ZNF525: variants seen among roughly 807,000 people sequenced by gnomAD.
ZNF525 encodes zinc finger protein 525.
ZNF525 carries 33 observed loss-of-function variants against 37.6 expected under a neutral mutation model. The ratio of observed to expected loss-of-function variants is 0.88; its 90% CI spans 0.67 to 1.17. ZNF525 has a LOEUF of 1.17. Among genes scored for constraint, ZNF525 ranks in the 50% most tolerant of loss-of-function variants. ZNF525 has a pLI of 0.00. For missense variants in ZNF525, 449 were observed against 543.1 expected (o/e 0.83, Z 1.72); for synonymous variants, 170 against 182.3 (o/e 0.93, Z 0.54).
intron 1 of ZNF525, among the ~76,000 whole-genome samples, chr19:53,366,051 A>C (rs1479641368): frequency 5.6e-4 from 86 of 152,276 alleles, no homozygotes; most frequent in Non-Finnish European, 1.2e-4. Flanking sequence ...CGCTTTTTAA[A>C]GTCCTCACCC....
rs1477201121 is a variant in ZNF525, at chr19:53,382,317, A to G, written c.*298A>G. ...ACTTCATACTGGAGAGAAACCTTAC[A>G]AATGTGAAGAATGTGATGAAACTTT... is the stretch of plus-strand genomic sequence containing the variant. On this transcript the variant is annotated 3_prime_UTR_variant, in exon 4 of 4. Transcript: ENST00000474037. The G allele has an allele frequency of 5.9e-6, 8 of 1,362,876 alleles. No individual in the cohort carries two copies. Among genetic ancestry groups the G allele is most frequent in the African/African-American group, 2.9e-5 (2 of 69,936 alleles). The allele number at this position is 1,362,876 out of a possible 1,614,324, so 84.4% of individuals were successfully genotyped here. A position where few individuals can be genotyped will look rare whatever the true frequency, so the allele number is the denominator to read the frequency against.
At position 53,383,691 on chromosome 19, in the gene ZNF525, C is replaced by A; in HGVS notation, c.*1672C>A. On this transcript the variant is annotated 3_prime_UTR_variant, in exon 4 of 4. Transcript: ENST00000474037. ...CACAACGTCTTCAGTAATGCTACAA[C>A]CATTGTAAATCACTGGAGAAGCCAT... 1 of 700,804 alleles carries A rather than the reference C, an allele frequency of 1.4e-6. No individual in the cohort carries two copies. The highest frequency in any genetic ancestry group is 2.4e-6 in the Non-Finnish European group (1 of 420,928). The allele number at this position is 700,804 out of a possible 1,614,324, so 43.4% of individuals were successfully genotyped here.
Position 53,386,486 on chromosome 19 carries a change from G to A in ZNF525, c.*4467G>A. On this transcript the variant is annotated 3_prime_UTR_variant, in exon 4 of 4. Coordinates refer to ENST00000474037, the MANE Select transcript of ZNF525 (RefSeq NM_001348156.2). ...AAATGTCACCACTATCTGGACAGTT[G>A]GACATGTTTTATTGGGAATATGTTT... The A allele has an allele frequency of 1.6e-6, 1 of 626,728 alleles. No homozygotes were observed. Among genetic ancestry groups the A allele is most frequent in the Admixed American group, 2.2e-5 (1 of 45,174 alleles). The allele number at this position is 626,728 out of a possible 1,614,324, so 38.8% of individuals were successfully genotyped here. A position where few individuals can be genotyped will look rare whatever the true frequency, so the allele number is the denominator to read the frequency against.
rs751648692 is a variant in ZNF525 at position 53,381,835 on chromosome 19, C to G, written c.1256C>G (p.Ala419Gly). The change falls in exon 4 of 4, where the codon GCT becomes GGT. Residue 419 changes from alanine to glycine, a missense_variant. Physicochemically the swap from Ala to Gly is moderately conservative, Grantham distance 60. Coordinates refer to ENST00000474037, the MANE Select transcript of ZNF525 (RefSeq NM_001348156.2). The stretch of plus-strand genomic sequence containing the variant: ...TACAAGTGTGAAGAATGTGATGAAG[C>G]TTTCCGTTTCAAATCAAGTCTTGAA... Reference protein sequence around the residue: ...KPYKCEECDEAFRFKSSLERH... With the variant: ...KPYKCEECDEGFRFKSSLERH... 4.7e-6 allele frequency: 5 copies of G among 1,059,090 alleles called. No homozygotes were observed. Among genetic ancestry groups the G allele is most frequent in the Non-Finnish European group, 7.4e-6 (5 of 672,780 alleles). 65.6% of individuals were successfully genotyped at this position (1,059,090 alleles called of 1,614,324 possible). A position where few individuals can be genotyped will look rare whatever the true frequency, so the allele number is the denominator to read the frequency against.
Position 53,385,201 on chromosome 19 carries a change from A to C in ZNF525, c.*3182A>C, listed in dbSNP as rs972542446. On this transcript the variant is annotated 3_prime_UTR_variant, in exon 4 of 4. Transcript: ENST00000474037. ...AAGGGATCTTCAAGAAGTTCTGGAA[A>C]AATACATATTATGAGAAAATTGTGC... The C allele has an allele frequency of 2.0e-6, 1 of 497,314 alleles. No individual in the cohort carries two copies. Among genetic ancestry groups the C allele is most frequent in the Non-Finnish European group, 3.5e-6 (1 of 283,210 alleles). The allele number at this position is 497,314 out of a possible 1,614,324, so 30.8% of individuals were successfully genotyped here.
rs1200547443 is a variant in ZNF525, at chr19:53,369,851, A to T, written c.-67-2364A>T. ...GCCATTCTCCTGCCTCAGCCTCCCCAGTAGCTGGGACTACAGGCGCCCGCC... is the reference window on the plus strand; with the variant it reads ...GCCATTCTCCTGCCTCAGCCTCCCCTGTAGCTGGGACTACAGGCGCCCGCC... On this transcript the variant is annotated intron_variant, in intron 1 of 3. Coordinates refer to ENST00000474037, the MANE Select transcript of ZNF525 (RefSeq NM_001348156.2). Among the ~76,000 whole-genome samples the T allele has an allele frequency of 7.4e-5, 9 of 121,966 alleles. 1 individual carries two copies. The highest frequency in any genetic ancestry group is 1.4e-4 in the African/African-American group (4 of 29,088). The allele number at this position is 121,966 out of a possible 152,430, so 80.0% of individuals were successfully genotyped here.
At chr19:53,373,964 C>T (rs909898997) in intron 2 of ZNF525, among the ~76,000 whole-genome samples, 5 of 152,116 alleles carry the variant, frequency 3.3e-5, no homozygotes, top group African/African-American at 4.8e-5. Flanking sequence ...CCAACTGCAA[C>T]CTCTGCATCC....
At position 53,385,387 on chromosome 19, in the gene ZNF525, C is replaced by T. The variant is rs2085597956; in HGVS notation, c.*3368C>T. ...CTGATGAAATTTAAACAAGAAGAAACATTAAATTTATGATGAGACCAGATG... is the reference window on the plus strand; with the variant it reads ...CTGATGAAATTTAAACAAGAAGAAATATTAAATTTATGATGAGACCAGATG... On this transcript the variant is annotated 3_prime_UTR_variant, in exon 4 of 4. Transcript: ENST00000474037. 1 of 160,792 alleles carries T rather than the reference C, an allele frequency of 6.2e-6. No individual in the cohort carries two copies. The highest frequency in any genetic ancestry group is 1.4e-5 in the Non-Finnish European group (1 of 74,014). The allele number at this position is 160,792 out of a possible 1,614,324, so 10.0% of individuals were successfully genotyped here.
intron 3 of ZNF525, among the ~76,000 whole-genome samples, chr19:53,379,697 T>C (rs2085545591): frequency 6.6e-6 from 1 of 152,352 alleles, no homozygotes; most frequent in African/African-American, 2.4e-5. Flanking sequence ...TGACACAGTT[T>C]ACTAGTTAAT....
chr19:53,371,951 T>C (rs1382129745), intron 1 of ZNF525, among the ~76,000 whole-genome samples: 1 of 152,142 alleles, frequency 6.6e-6, no homozygotes, highest in Non-Finnish European at 1.5e-5. Flanking sequence ...ACCCAGCCTC[T>C]GTATGAAGTT....
At chr19:53,366,688 G>A (rs1386017577) in intron 1 of ZNF525, among the ~76,000 whole-genome samples, 3 of 151,712 alleles carry the variant, frequency 2.0e-5, no homozygotes, top group Admixed American at 1.3e-4. Context: ...GAGGAGGAGG[G>A]ATTTGGAGCC....
At position 53,385,198 on chromosome 19, in the gene ZNF525, G is replaced by C. The variant is rs963093785; in HGVS notation, c.*3179G>C. The C allele has an allele frequency of 4.1e-6, 2 of 488,402 alleles. No individual in the cohort carries two copies. Among genetic ancestry groups the C allele is most frequent in the Non-Finnish European group, 7.2e-6 (2 of 277,966 alleles). 30.3% of individuals were successfully genotyped at this position (488,402 alleles called of 1,614,324 possible). A position where few individuals can be genotyped will look rare whatever the true frequency, so the allele number is the denominator to read the frequency against. On this transcript the variant is annotated 3_prime_UTR_variant, in exon 4 of 4. Transcript: ENST00000474037. ...GACAAGGGATCTTCAAGAAGTTCTG[G>C]AAAAATACATATTATGAGAAAATTG...
chr19:53,381,963 A>C lies in ZNF525; in HGVS notation c.1384A>C (p.Ser462Arg). ...LSLTCHCRLH[S>R]GEKPCKCGEC... Reference sequence around the variant, plus strand: ...CCTTACCTGCCATTGTAGACTTCATAGTGGAGAGAAACCTTGCAAGTGTGG... The same window carrying C: ...CCTTACCTGCCATTGTAGACTTCATCGTGGAGAGAAACCTTGCAAGTGTGG... Residue 462 changes from serine (S) to arginine (R), a missense_variant, in exon 4 of 4, where the codon AGT becomes CGT. Ser to Arg is a moderately radical substitution (Grantham distance 110). Transcript: ENST00000474037. 1 of 1,022,742 alleles carries C rather than the reference A, an allele frequency of 9.8e-7. No individual in the cohort carries two copies. Among genetic ancestry groups the C allele is most frequent in the Non-Finnish European group, 1.6e-6 (1 of 642,888 alleles). 63.4% of individuals were successfully genotyped at this position (1,022,742 alleles called of 1,614,324 possible).
rs1161884441 is a variant in ZNF525, at chr19:53,385,294, C to T, written c.*3275C>T. On this transcript the variant is annotated 3_prime_UTR_variant, in exon 4 of 4. Coordinates refer to ENST00000474037, the MANE Select transcript of ZNF525 (RefSeq NM_001348156.2). The stretch of plus-strand genomic sequence containing the variant: ...CTGTTATAACATGTCTGAACAGGCT[C>T]TAGTTTGATGCCCTCAAAAGGATAA... 3.5e-6 allele frequency: 1 copy of T among 289,848 alleles called. No individual in the cohort carries two copies. Among genetic ancestry groups the T allele is most frequent in the East Asian group, 6.5e-5 (1 of 15,314 alleles). 18.0% of individuals were successfully genotyped at this position (289,848 alleles called of 1,614,324 possible).
In ZNF525 at chr19:53,383,702, C is replaced by T. The variant is rs1358721615; in HGVS notation, c.*1683C>T. The T allele has an allele frequency of 1.5e-5, 10 of 669,078 alleles. No homozygotes were observed. In the East Asian group the frequency reaches 3.7e-4, roughly 25 times the overall value. The allele number at this position is 669,078 out of a possible 1,614,324, so 41.4% of individuals were successfully genotyped here. A position where few individuals can be genotyped will look rare whatever the true frequency, so the allele number is the denominator to read the frequency against. ...CAGTAATGCTACAACCATTGTAAATCACTGGAGAAGCCATAATGAAGAGAG... is the reference window on the plus strand; with the variant it reads ...CAGTAATGCTACAACCATTGTAAATTACTGGAGAAGCCATAATGAAGAGAG... On this transcript the variant is annotated 3_prime_UTR_variant, in exon 4 of 4. Transcript: ENST00000474037.
intron 3 of ZNF525, among the ~76,000 whole-genome samples, chr19:53,377,015 C>G (rs2085527249): frequency 1.3e-5 from 2 of 152,118 alleles, no homozygotes; most frequent in African/African-American, 2.4e-5. Flanking sequence ...CTTTCTCCAC[C>G]AGAACTTTAT....
Position 53,384,913 on chromosome 19 carries a change from C to A in ZNF525, c.*2894C>A. 2 of 697,968 alleles carry A rather than the reference C, an allele frequency of 2.9e-6. No homozygotes were observed. Among genetic ancestry groups the A allele is most frequent in the South Asian group, 3.0e-5 (2 of 66,486 alleles). 43.2% of individuals were successfully genotyped at this position (697,968 alleles called of 1,614,324 possible). ...CCTGCTTGGTTATTTACTCATTTGT[C>A]ATTTCATGGATGTTCTTTCTATTGT... is the stretch of plus-strand genomic sequence containing the variant. On this transcript the variant is annotated 3_prime_UTR_variant, in exon 4 of 4. Coordinates refer to ENST00000474037, the MANE Select transcript of ZNF525 (RefSeq NM_001348156.2).
In ZNF525 at chr19:53,381,405, T is replaced by C. The variant is rs764645629; in HGVS notation, c.826T>C (p.Cys276Arg). The C allele has an allele frequency of 2.5e-6, 4 of 1,593,724 alleles. No homozygotes were observed. In the South Asian group the frequency reaches 4.4e-5, roughly 18 times the overall value. ...TGEKPYKCNE[C>R]GKSFSQMSSL... Reference sequence around the variant, plus strand: ...TGAGAAACCTTACAAGTGTAATGAGTGTGGCAAGTCCTTCAGTCAGATGTC... The same window carrying C: ...TGAGAAACCTTACAAGTGTAATGAGCGTGGCAAGTCCTTCAGTCAGATGTC... The change falls in exon 4 of 4, where the codon TGT (cysteine) becomes CGT (arginine). Residue 276 changes from cysteine (C) to arginine (R), a missense_variant. Physicochemically the swap from Cys to Arg is radical, Grantham distance 180. Around this residue, in one of 2 missense-constraint regions of ZNF525, gnomAD observed 271 missense variants for 381.6 expected, o/e 0.71. Coordinates refer to ENST00000474037, the MANE Select transcript of ZNF525 (RefSeq NM_001348156.2).
Position 53,381,679 on chromosome 19 carries a change from A to C in ZNF525, c.1100A>C (p.Lys367Thr), listed in dbSNP as rs1405477304. The C allele has an allele frequency of 8.9e-7, 1 of 1,125,842 alleles. No homozygotes were observed. 69.7% of individuals were successfully genotyped at this position (1,125,842 alleles called of 1,614,324 possible). ...CEECDKAFSF[K>T]SNLESHRITH... ...GAATGTGACAAAGCTTTCAGTTTCA[A>C]ATCAAACCTTGAAAGTCATAGGATA... is the stretch of plus-strand genomic sequence containing the variant. The change falls in exon 4 of 4, where the codon AAA (lysine) becomes ACA (threonine). Residue 367 changes from lysine to threonine, a missense_variant. Around this residue, in one of 2 missense-constraint regions of ZNF525, gnomAD observed 178 missense variants for 161.5 expected, o/e 1.10. Transcript: ENST00000474037.
Sources: allele counts gnomAD v4.1 joint callset (sites outside exome capture counted in the v4.1 genomes callset), GRCh38; gene constraint gnomAD v4.1.1; regional missense constraint gnomAD v4.1.1; transcripts MANE v1.5; gene names NCBI Gene and HGNC (gene_info 2026-07-23, HGNC 2026-07-21).